The following KCNH1 variants were observed in gnomAD, a reference collection of about 807,000 sequenced individuals.
The protein encoded by KCNH1 is voltage-gated delayed rectifier potassium channel KCNH1.
A neutral mutation model predicts 69.2 loss-of-function variants in KCNH1; 27 were observed. The ratio of observed to expected loss-of-function variants is 0.39; its 90% CI spans 0.29 to 0.54. KCNH1 has a LOEUF of 0.54. KCNH1 is among the 20% of genes least tolerant of loss of function. The pLI is 0.68. For synonymous variants in KCNH1, 456 were observed against 487.7 expected (o/e 0.93, Z 0.86); for missense variants, 798 against 1,261.6 (o/e 0.63, Z 5.57).
chr1:210,979,669 T>C lies in KCNH1; in HGVS notation c.1032+39114A>G, dbSNP rs558060787. ...TTTTATAATTTTTCCTCAGGAGCTT[T>C]TTATTTCAAGCATTAGAGTGTTTTC... is the stretch of plus-strand genomic sequence containing the variant. On this transcript the variant is annotated intron_variant, in intron 6 of 10. Coordinates refer to ENST00000271751, the MANE Select transcript of KCNH1 (RefSeq NM_172362.3). Among the ~76,000 whole-genome samples, 3 of 152,326 alleles carry C rather than the reference T, an allele frequency of 2.0e-5. No homozygotes were observed. In the South Asian group the frequency reaches 6.2e-4, roughly 32 times the overall value.
intron 1 of KCNH1, among the ~76,000 whole-genome samples, chr1:211,122,451 T>C (rs1388073754): frequency 6.6e-6 from 1 of 152,168 alleles, no homozygotes; most frequent in Admixed American, 6.5e-5. Flanking sequence ...AGAAATACTA[T>C]TTGACCCAGC....
chr1:211,109,031 C>A (rs1420172833), intron 1 of KCNH1, among the ~76,000 whole-genome samples: 1 of 152,162 alleles, frequency 6.6e-6, no homozygotes, highest in East Asian at 1.9e-4. Context: ...GGCTGCGTCT[C>A]AGAGGGGATA....
At chr1:210,940,707 C>CT (rs1558534022) in intron 6 of KCNH1, among the ~76,000 whole-genome samples, 1 of 152,108 alleles carries the variant, frequency 6.6e-6, no homozygotes, top group East Asian at 1.9e-4. Context: ...AAACTGAAAT[C>CT]TTTTTCATTG....
intron 5 of KCNH1, among the ~76,000 whole-genome samples, chr1:211,049,076 C>G (rs1218741598): frequency 6.6e-6 from 1 of 151,990 alleles, no homozygotes; most frequent in Non-Finnish European, 1.5e-5. Flanking sequence ...TCCATCAGTT[C>G]TATAAAACCT....
At chr1:210,777,038 G>A (rs891779089) in intron 9 of KCNH1, among the ~76,000 whole-genome samples, 1 of 152,124 alleles carries the variant, frequency 6.6e-6, no homozygotes, top group Non-Finnish European at 1.5e-5. Context: ...TGCTACAAAG[G>A]GTGAAAAGTA....
chr1:210,715,201 G>T (rs542347499), intron 10 of KCNH1, among the ~76,000 whole-genome samples: 1 of 152,314 alleles, frequency 6.6e-6, no homozygotes, highest in East Asian at 1.9e-4. Flanking sequence ...CTGACAGGCT[G>T]CAGGGCTAGT....
In KCNH1 at chr1:210,691,140, T is replaced by C. The variant is rs577770525; in HGVS notation, c.2113-7002A>G. On this transcript the variant is annotated intron_variant, in intron 10 of 10. Coordinates refer to ENST00000271751, the MANE Select transcript of KCNH1 (RefSeq NM_172362.3). ...TTTAATAGTTGCTCAGTAAATGTATTATGTATTACTCTTTGTGGGGGCTTG... is the reference window on the plus strand; with the variant it reads ...TTTAATAGTTGCTCAGTAAATGTATCATGTATTACTCTTTGTGGGGGCTTG... Among the ~76,000 whole-genome samples, 7 of 152,330 alleles carry C rather than the reference T, an allele frequency of 4.6e-5. No individual in the cohort carries two copies. The South Asian group carries it at 1.4e-3, about 32-fold the overall frequency.
intron 9 of KCNH1, among the ~76,000 whole-genome samples, chr1:210,776,534 T>G (rs1683864466): frequency 6.6e-6 from 1 of 152,062 alleles, no homozygotes. Context: ...ATTAATGTCC[T>G]TATAAAAGGG....
intron 7 of KCNH1, among the ~76,000 whole-genome samples, chr1:210,856,378 A>G (rs562739171): frequency 6.6e-6 from 1 of 152,166 alleles, no homozygotes; most frequent in Non-Finnish European, 1.5e-5. Flanking sequence ...CATTAAGTGT[A>G]GATTTCTGCT....
intron 10 of KCNH1, among the ~76,000 whole-genome samples, chr1:210,746,334 C>T (rs1444787950): frequency 4.6e-5 from 7 of 152,110 alleles, no homozygotes; most frequent in African/African-American, 1.7e-4. Context: ...AGAGATGCCT[C>T]CCCTTTCATT....
intron 1 of KCNH1, among the ~76,000 whole-genome samples, chr1:211,121,493 C>G (rs1691682888): frequency 6.6e-6 from 1 of 152,186 alleles, no homozygotes; most frequent in South Asian, 2.1e-4. Flanking sequence ...AAAACTGAAA[C>G]CAGACCCCTT....
chr1:210,698,030 T>C (rs761290271), intron 10 of KCNH1, among the ~76,000 whole-genome samples: 22 of 152,318 alleles, frequency 1.4e-4, no homozygotes, highest in Non-Finnish European at 2.9e-4. Context: ...TCTCCTTCTG[T>C]CAATATACAC....
At chr1:210,976,419 G>A (rs1688611443) in intron 6 of KCNH1, among the ~76,000 whole-genome samples, 1 of 149,098 alleles carries the variant, frequency 6.7e-6, no homozygotes. Context: ...TCTCACACCA[G>A]TTGGAATGGC....
At chr1:210,957,325 T>C (rs555591314) in intron 6 of KCNH1, among the ~76,000 whole-genome samples, 1 of 152,312 alleles carries the variant, frequency 6.6e-6, no homozygotes, top group South Asian at 2.1e-4. Flanking sequence ...AGGAGTCCTT[T>C]ATGTCCAATT....
intron 7 of KCNH1, among the ~76,000 whole-genome samples, chr1:210,893,631 T>C (rs1304330480): frequency 1.3e-5 from 2 of 152,030 alleles, no homozygotes; most frequent in African/African-American, 2.4e-5. Context: ...CTCTCATCCT[T>C]TGCTTTTTAT....
chr1:210,804,732 T>C (rs1235003164), intron 7 of KCNH1, among the ~76,000 whole-genome samples: 2 of 152,122 alleles, frequency 1.3e-5, no homozygotes, highest in African/African-American at 4.8e-5. Context: ...CTTGAATAAA[T>C]AATCACAAAT....
intron 10 of KCNH1, among the ~76,000 whole-genome samples, chr1:210,742,843 C>CTG (rs368616089): frequency 0.015 from 2,297 of 151,774 alleles, 38 homozygotes; most frequent in African/African-American, 0.052. Flanking sequence ...TGGTGTGTGT[C>CTG]TGTGTGTGTG....
intron 4 of KCNH1, among the ~76,000 whole-genome samples, chr1:211,089,760 A>T (rs545512991): frequency 2.1e-4 from 32 of 152,242 alleles, no homozygotes; most frequent in Middle Eastern, 3.2e-3. Flanking sequence ...GCACTGCATC[A>T]TGAAAAAGCT....
chr1:211,113,859 G>C (rs1347596641), intron 1 of KCNH1, among the ~76,000 whole-genome samples: 2 of 151,886 alleles, frequency 1.3e-5, no homozygotes, highest in South Asian at 4.2e-4. Flanking sequence ...GTGGGTGGGG[G>C]TGTTCAGGGG....
Sources: gnomAD v4.1 joint callset for allele counts (sites outside exome capture counted in the v4.1 genomes callset) on GRCh38, gnomAD v4.1.1 for gene constraint, MANE v1.5 for transcripts, NCBI Gene and HGNC (gene_info 2026-07-23, HGNC 2026-07-21) for gene names.